UBE2K: variants seen among roughly 807,000 people sequenced by gnomAD.
UBE2K encodes ubiquitin conjugating enzyme E2 K.
Under a neutral mutation model 30.0 loss-of-function variants are expected in UBE2K, and 6 were observed. The observed-to-expected ratio is 0.20, with a 90% CI of 0.11 to 0.39. The LOEUF (loss-of-function observed/expected upper bound fraction) is 0.39. Ranked by LOEUF, UBE2K falls within the 10% of genes least tolerant of loss-of-function variation. UBE2K has a pLI of 1.00. For missense variants in UBE2K, 61 were observed against 241.6 expected (o/e 0.25, Z 4.96); for synonymous variants, 86 against 83.7 (o/e 1.03, Z -0.15).
intron 1 of UBE2K, among the ~76,000 whole-genome samples, chr4:39,729,564 A>C (rs532520291): frequency 6.6e-6 from 1 of 152,170 alleles, no homozygotes; most frequent in Admixed American, 6.5e-5. Flanking sequence ...TTTTCATTGC[A>C]CTGGACTTTA....
chr4:39,735,541 T>C (rs1215549508), intron 1 of UBE2K, among the ~76,000 whole-genome samples: 1 of 152,110 alleles, frequency 6.6e-6, no homozygotes, highest in Non-Finnish European at 1.5e-5. Flanking sequence ...CCACCACACC[T>C]GGCTAATTTT....
chr4:39,759,308 G>A (rs1015737700), intron 4 of UBE2K, among the ~76,000 whole-genome samples: 4 of 151,738 alleles, frequency 2.6e-5, no homozygotes, highest in East Asian at 1.9e-4. Flanking sequence ...GCAAAGTCTC[G>A]CTCTGTCACC....
chr4:39,728,593 C>T (rs1719883081), intron 1 of UBE2K, among the ~76,000 whole-genome samples: 2 of 151,542 alleles, frequency 1.3e-5, no homozygotes, highest in Admixed American at 1.3e-4. Context: ...CCTTTCTTTC[C>T]TTTTCCCTTT....
At chr4:39,734,737 G>GGGAA (rs1452738539) in intron 1 of UBE2K, among the ~76,000 whole-genome samples, 2 of 152,190 alleles carry the variant, frequency 1.3e-5, no homozygotes, top group African/African-American at 4.8e-5. Flanking sequence ...ACCTGAGCTT[G>GGGAA]GGAAGTTGAG....
intron 1 of UBE2K, among the ~76,000 whole-genome samples, chr4:39,725,850 C>G (rs555594259): frequency 1.9e-4 from 29 of 152,228 alleles, no homozygotes; most frequent in African/African-American, 6.7e-4. Context: ...GCCATGTTGC[C>G]CAGGTTGGTC....
At chr4:39,758,980 A>AT (rs1711681508) in intron 4 of UBE2K, among the ~76,000 whole-genome samples, 1 of 152,190 alleles carries the variant, frequency 6.6e-6, no homozygotes, top group Non-Finnish European at 1.5e-5. Flanking sequence ...CCAAAGACAC[A>AT]TTAGATAAAA....
chr4:39,772,389 GTC>G (rs1255703130), intron 4 of UBE2K, among the ~76,000 whole-genome samples: 2 of 106,166 alleles, frequency 1.9e-5, no homozygotes, highest in Non-Finnish European at 3.6e-5. Flanking sequence ...GTGAAACCCT[GTC>G]TCTACCAAAA....
rs545636787 is a variant in UBE2K at position 39,748,394 on chromosome 4, C to T, written c.216+2584C>T. On this transcript the variant is annotated intron_variant, in intron 3 of 6. Coordinates refer to ENST00000261427, the MANE Select transcript of UBE2K (RefSeq NM_005339.5). ...CAGGCGTGAACCACCACATCCACTC[C>T]CTTGTTTTATTAAAGCGAGAAAAAT... 2.6e-5 allele frequency among the ~76,000 whole-genome samples: 4 copies of T among 152,194 alleles called. No homozygotes were observed. In the South Asian group the frequency reaches 6.2e-4, roughly 24 times the overall value.
intron 2 of UBE2K, among the ~76,000 whole-genome samples, chr4:39,744,416 C>A (rs1720875171): frequency 6.6e-6 from 1 of 151,230 alleles, no homozygotes; most frequent in Non-Finnish European, 1.5e-5. Flanking sequence ...TCGTGATCCA[C>A]CTGCCTCAGC....
intron 4 of UBE2K, among the ~76,000 whole-genome samples, chr4:39,760,179 AAAAAAAAAAAAAACAG>A (rs1711817995): frequency 2.2e-5 from 2 of 89,232 alleles, no homozygotes; most frequent in East Asian, 8.1e-4. Context: ...TCTGTCACAA[AAAAAAAAAAAAAACAG>A]AAAAAAAAAA....
At chr4:39,715,957 C>T (rs1013729528) in intron 1 of UBE2K, among the ~76,000 whole-genome samples, 3 of 152,150 alleles carry the variant, frequency 2.0e-5, no homozygotes, top group South Asian at 2.1e-4. Flanking sequence ...ACTGAAACTG[C>T]TCCTTCAGGC....
chr4:39,760,069 CGTG>C (rs1419979364), intron 4 of UBE2K, among the ~76,000 whole-genome samples: 2 of 145,196 alleles, frequency 1.4e-5, no homozygotes, highest in Non-Finnish European at 3.0e-5. Flanking sequence ...CCCAGCTACT[CGTG>C]GGGCTGAGAC....
chr4:39,698,629 A>T lies in UBE2K; in HGVS notation c.63+239A>T, dbSNP rs141716559. Reference sequence around the variant, plus strand: ...GGGTGGAACATGGTTTGGGGAGGTGATGGACAGGGGGCAACTCCTCGGAGG... The same window carrying T: ...GGGTGGAACATGGTTTGGGGAGGTGTTGGACAGGGGGCAACTCCTCGGAGG... On this transcript the variant is annotated intron_variant, in intron 1 of 6. Transcript: ENST00000261427. Among the ~76,000 whole-genome samples the T allele has an allele frequency of 8.4e-4, 127 of 152,034 alleles. 1 individual carries two copies. Among genetic ancestry groups the T allele is most frequent in the African/African-American group, 2.9e-3 (119 of 41,466 alleles).
chr4:39,735,184 A>G (rs73240678), intron 1 of UBE2K, among the ~76,000 whole-genome samples: 15,874 of 152,276 alleles, frequency 0.1, 1,089 homozygotes, highest in East Asian at 0.22. Flanking sequence ...AACATTATGC[A>G]TAGATACTAG....
chr4:39,732,708 C>T (rs1034650698), intron 1 of UBE2K, among the ~76,000 whole-genome samples: 1 of 116,328 alleles, frequency 8.6e-6, no homozygotes, highest in Non-Finnish European at 1.6e-5. Context: ...CAGAGTCTTG[C>T]TTCGTAGCCC....
chr4:39,777,841 A>G (rs1578516870), intron 6 of UBE2K, 31 bp downstream of exon 6: 6 of 1,371,340 alleles, frequency 4.4e-6, no homozygotes, highest in Admixed American at 2.9e-5. Flanking sequence ...TGATTTTGAT[A>G]TATTGATTGA....
chr4:39,733,323 C>A (rs1190474157), intron 1 of UBE2K, among the ~76,000 whole-genome samples: 1 of 141,254 alleles, frequency 7.1e-6, no homozygotes, highest in Admixed American at 8.2e-5. Context: ...TTTGTAAAAT[C>A]GGGCTTTAAT....
intron 1 of UBE2K, among the ~76,000 whole-genome samples, chr4:39,731,104 G>C (rs1203175559): frequency 6.6e-6 from 1 of 152,090 alleles, no homozygotes; most frequent in East Asian, 2.0e-4. Context: ...TCCTGCCTCA[G>C]CTGGTCTCGA....
chr4:39,772,622 TTC>T (rs1708650442), intron 4 of UBE2K, among the ~76,000 whole-genome samples: 1 of 151,976 alleles, frequency 6.6e-6, no homozygotes, highest in Admixed American at 6.6e-5. Context: ...AAAATGGGCA[TTC>T]TCTTTACATG....
Sources: gnomAD v4.1 joint callset for allele counts (sites outside exome capture counted in the v4.1 genomes callset) on GRCh38, gnomAD v4.1.1 for gene constraint, MANE v1.5 for transcripts, NCBI Gene and HGNC (gene_info 2026-07-23, HGNC 2026-07-21) for gene names.